The following CDH13 variants were observed in gnomAD, a reference collection of about 807,000 sequenced individuals.
The protein encoded by CDH13 is cadherin 13, also known as cadherin-13.
A neutral mutation model predicts 63.8 loss-of-function variants in CDH13; 24 were observed. The observed-to-expected ratio is 0.38, with a 90% CI of 0.27 to 0.53. The LOEUF is 0.53. Among genes scored for constraint, CDH13 ranks in the 20% least tolerant of loss-of-function variants. CDH13 has a pLI of 0.85. For synonymous variants in CDH13, 503 were observed against 355.3 expected (o/e 1.42, Z -4.67); for missense variants, 1,049 against 903.1 (o/e 1.16, Z -2.07).
intron 5 of CDH13, among the ~76,000 whole-genome samples, chr16:83,235,337 C>T (rs986447081): frequency 3.0e-4 from 46 of 152,042 alleles, no homozygotes; most frequent in African/African-American, 1.1e-3. Context: ...GGAGAAGCCC[C>T]GGTGTAAAAT....
rs112552634 is a variant in CDH13 at position 82,858,262 on chromosome 16, C to G, written c.46-100C>G. 3.1e-3 allele frequency: 2,199 copies of G among 702,402 alleles called. 24 individuals carry two copies. Among genetic ancestry groups the G allele is most frequent in the African/African-American group, 0.03 (1,671 of 55,968 alleles). 43.5% of individuals were successfully genotyped at this position (702,402 alleles called of 1,614,324 possible). Reference sequence around the variant, plus strand: ...TACCTCTTCATTTGGGAAATGAAATCAAAACCTCAGCTTGTTTCTAAAAGT... The same window carrying G: ...TACCTCTTCATTTGGGAAATGAAATGAAAACCTCAGCTTGTTTCTAAAAGT... On this transcript the variant is annotated intron_variant, in intron 1 of 13. Coordinates refer to ENST00000567109, the MANE Select transcript of CDH13 (RefSeq NM_001257.5).
At chr16:83,632,802 C>G (rs967914157) in intron 8 of CDH13, among the ~76,000 whole-genome samples, 19 of 91,928 alleles carry the variant, frequency 2.1e-4, no homozygotes, top group Admixed American at 5.9e-4. Context: ...GGCAGAGCAA[C>G]AGCATGAGCT....
intron 6 of CDH13, among the ~76,000 whole-genome samples, chr16:83,389,516 A>G (rs2091743060): frequency 6.6e-6 from 1 of 152,204 alleles, no homozygotes; most frequent in Non-Finnish European, 1.5e-5. Context: ...TGTTTTTTAT[A>G]AACAAGCACA....
At chr16:83,460,686 G>C (rs1291852968) in intron 6 of CDH13, among the ~76,000 whole-genome samples, 1 of 152,022 alleles carries the variant, frequency 6.6e-6, no homozygotes, top group East Asian at 1.9e-4. Flanking sequence ...GCAAAACAAT[G>C]AATAATAGAT....
intron 6 of CDH13, among the ~76,000 whole-genome samples, chr16:83,386,105 G>A (rs1330765953): frequency 6.6e-6 from 1 of 152,204 alleles, no homozygotes; most frequent in African/African-American, 2.4e-5. Context: ...GGGTTGTGTG[G>A]ATTAAGTAGT....
At chr16:83,156,708 G>C (rs890544104) in intron 4 of CDH13, among the ~76,000 whole-genome samples, 1 of 152,160 alleles carries the variant, frequency 6.6e-6, no homozygotes, top group Non-Finnish European at 1.5e-5. Context: ...ACCAGGCTTT[G>C]ACAGCATTCA....
intron 6 of CDH13, among the ~76,000 whole-genome samples, chr16:83,351,432 T>C (rs887602826): frequency 1.3e-5 from 2 of 152,064 alleles, no homozygotes; most frequent in Non-Finnish European, 2.9e-5. Flanking sequence ...AGTTCTGGGG[T>C]TCTCTCCTGG....
intron 6 of CDH13, among the ~76,000 whole-genome samples, chr16:83,407,499 A>C (rs1243394323): frequency 6.6e-6 from 1 of 152,096 alleles, no homozygotes; most frequent in East Asian, 1.9e-4. Flanking sequence ...GACTACTATG[A>C]CTCTAGCTCA....
At chr16:83,508,284 C>G (rs1360778629) in intron 7 of CDH13, 1 of 154,580 alleles carries the variant, frequency 6.5e-6, no homozygotes, top group African/African-American at 2.4e-5. Context: ...TACTGGGGTT[C>G]TGGAGGATAG....
intron 2 of CDH13, among the ~76,000 whole-genome samples, chr16:83,015,991 T>C (rs912756815): frequency 6.6e-6 from 1 of 151,928 alleles, no homozygotes; most frequent in Admixed American, 6.6e-5. Context: ...TAAGGAAATA[T>C]GTGAGCGCTA....
intron 8 of CDH13, among the ~76,000 whole-genome samples, chr16:83,646,213 A>G (rs1911777765): frequency 2.6e-5 from 4 of 152,148 alleles, no homozygotes. Flanking sequence ...ACCCTAGGCA[A>G]GTGCTTGTAC....
chr16:83,791,526 T>G (rs546982237), intron 13 of CDH13, among the ~76,000 whole-genome samples: 46 of 151,516 alleles, frequency 3.0e-4, no homozygotes, highest in African/African-American at 7.7e-4. Context: ...AAAATATGCA[T>G]GCCTGGCTGG....
chr16:82,752,106 C>G (rs907556242), intron 1 of CDH13, among the ~76,000 whole-genome samples: 1 of 152,180 alleles, frequency 6.6e-6, no homozygotes, highest in Non-Finnish European at 1.5e-5. Flanking sequence ...GCATGGGAAA[C>G]AAGTGTTATT....
chr16:83,745,923 C>A (rs553202380), intron 10 of CDH13, among the ~76,000 whole-genome samples: 5 of 152,312 alleles, frequency 3.3e-5, no homozygotes, highest in African/African-American at 1.2e-4. Context: ...TGACCACCCA[C>A]CCTGAGTCAC....
At chr16:83,239,794 A>C (rs953471355) in intron 5 of CDH13, among the ~76,000 whole-genome samples, 8 of 152,198 alleles carry the variant, frequency 5.3e-5, no homozygotes, top group African/African-American at 1.7e-4. Context: ...AACTTACAGC[A>C]GAAGAGCAGG....
intron 1 of CDH13, among the ~76,000 whole-genome samples, chr16:82,853,220 G>A (rs2039565345): frequency 6.6e-6 from 1 of 152,168 alleles, no homozygotes; most frequent in Admixed American, 6.5e-5. Flanking sequence ...AGCTGATCCT[G>A]AGATGCAAAC....
chr16:82,636,934 G>A (rs12599599), intron 1 of CDH13, among the ~76,000 whole-genome samples: 5,679 of 152,252 alleles, frequency 0.037, 236 homozygotes, highest in East Asian at 0.24. Context: ...CCTGGATCCT[G>A]TTTCTAGCTC....
intron 1 of CDH13, among the ~76,000 whole-genome samples, chr16:82,661,802 G>C (rs1408751187): frequency 6.6e-6 from 1 of 152,260 alleles, no homozygotes; most frequent in Non-Finnish European, 1.5e-5. Flanking sequence ...ACACACAGAT[G>C]TGTGTCACAT....
intron 4 of CDH13, among the ~76,000 whole-genome samples, chr16:83,132,919 T>C (rs2036122986): frequency 6.6e-6 from 1 of 152,188 alleles, no homozygotes; most frequent in Admixed American, 6.5e-5. Context: ...CCTTTCCTAT[T>C]TCCAAGTCTT....
Sources: gnomAD v4.1 joint callset for allele counts (sites outside exome capture counted in the v4.1 genomes callset) on GRCh38, gnomAD v4.1.1 for gene constraint, MANE v1.5 for transcripts, NCBI Gene and HGNC (gene_info 2026-07-23, HGNC 2026-07-21) for gene names.